Variants in ABCA2 observed in about 807,000 individuals in gnomAD.
ABCA2 encodes the protein ATP binding cassette subfamily A member 2, also known as ATP-binding cassette sub-family A member 2.
ABCA2 carries 84 observed loss-of-function variants against 262.8 expected under a neutral mutation model. That is an observed-to-expected ratio of 0.32 (90% confidence interval 0.27 to 0.38). The LOEUF is 0.38. Among genes scored for constraint, ABCA2 ranks in the 10% least tolerant of loss-of-function variants. The probability of loss-of-function intolerance (pLI) is 1.00; values close to 1 mark genes in which losing one functional copy is unlikely to be tolerated. For missense variants in ABCA2, 2,662 were observed against 3,405.9 expected (o/e 0.78, Z 5.44); for synonymous variants, 1,696 against 1,502.9 (o/e 1.13, Z -2.97).
chr9:137,022,130 T>C, intron 6 of ABCA2, 129 bp from the exon 7 acceptor site: 1 of 215,900 alleles, frequency 4.6e-6, no homozygotes, highest in South Asian at 4.3e-5. Flanking sequence ...AGTGGGGGCG[T>C]GGCTCAGATG....
chr9:137,015,248 C>A (rs1366450327), intron 24 of ABCA2, 151 bp from the exon 25 acceptor site: 1 of 1,214,804 alleles, frequency 8.2e-7, no homozygotes, highest in African/African-American at 1.5e-5. Context: ...CGCTGAGGAC[C>A]CAGCCTCTCC....
intron 10 of ABCA2, chr9:137,020,132 G>A (rs757811195): frequency 3.0e-6 from 2 of 660,380 alleles, no homozygotes; most frequent in Non-Finnish European, 5.1e-6. Flanking sequence ...ACTCTCCAGT[G>A]CCTTCCCACA....
rs771591363 is a variant in ABCA2, at chr9:137,020,423, G to A, written c.1338C>T (p.Asn446=). 8 of 1,612,570 alleles carry A rather than the reference G, an allele frequency of 5.0e-6. No individual in the cohort carries two copies. In the East Asian group the frequency reaches 1.6e-4, roughly 31 times the overall value. ...TCATGAGGTGCACGAGGAGGCCCAG[G>A]TTCCGCTGCTCCTTGCTCGTGAAGC... The part of the protein sequence containing the change: ...SLGFTSKEQR[N]LGLLVHLMTS... The change falls in exon 10 of 49, where the codon AAC becomes AAT. Residue 446 remains asparagine (N), a synonymous_variant. Coordinates refer to ENST00000341511, the MANE Select transcript of ABCA2 (RefSeq NM_001606.5).
Position 137,014,798 on chromosome 9 carries a change from T to TGC in ABCA2, c.3893_3894dup (p.Ser1299AlafsTer13). On this transcript the variant is annotated frameshift_variant, in exon 26 of 49. Coordinates refer to ENST00000341511, the MANE Select transcript of ABCA2 (RefSeq NM_001606.5). LOFTEE classifies it high-confidence loss of function. ...CTGCTGAGGTGCAGTGCATCCAGGCTGCGCTCCAGGTGCTGCAGGGGCGGT... is the reference window on the plus strand; with the variant it reads ...CTGCTGAGGTGCAGTGCATCCAGGCTGCGCGCTCCAGGTGCTGCAGGGGCGGT... The TGC allele has an allele frequency of 6.2e-7, 1 of 1,600,686 alleles. No individual in the cohort carries two copies. The highest frequency in any genetic ancestry group is 8.5e-7 in the Non-Finnish European group (1 of 1,174,836).
In ABCA2 at chr9:137,009,755, C is replaced by T. The variant is rs906157353; in HGVS notation, c.6630+14G>A. 5.6e-6 allele frequency: 9 copies of T among 1,608,330 alleles called. No homozygotes were observed. The highest frequency in any genetic ancestry group is 7.6e-6 in the Non-Finnish European group (9 of 1,176,656). On this transcript the variant is annotated intron_variant, in intron 43 of 48. Transcript: ENST00000341511. ...AAAGGCCAGGCAGCCACCCCCCACC[C>T]ACCCAGGACTTACCAGGAAGATGAA...
chr9:137,007,766 G>T lies in ABCA2; in HGVS notation c.*163C>A. 2 of 986,650 alleles carry T rather than the reference G, an allele frequency of 2.0e-6. No individual in the cohort carries two copies. Among genetic ancestry groups the T allele is most frequent in the Non-Finnish European group, 1.5e-6 (1 of 658,968 alleles). 61.1% of individuals were successfully genotyped at this position (986,650 alleles called of 1,614,324 possible). On this transcript the variant is annotated 3_prime_UTR_variant, in exon 49 of 49. Transcript: ENST00000341511. Reference sequence around the variant, plus strand: ...GGGGCGGCAACCGCAGTGACCACAGGGCATGGCCGAGTACAGGGGCTGGAG... The same window carrying T: ...GGGGCGGCAACCGCAGTGACCACAGTGCATGGCCGAGTACAGGGGCTGGAG...
upstream of ABCA2, chr9:137,028,859 GT>G: frequency 1.5e-6 from 2 of 1,325,858 alleles, no homozygotes; most frequent in East Asian, 5.8e-5. This position sits in a 1 kb window ranked among gnomAD's most constrained non-coding sequence, Gnocchi z 6.9. Flanking sequence ...CACGCGGCTC[GT>G]TTTTCTCCCC....
intron 2 of ABCA2, 70 bp from the exon 3 acceptor site, chr9:137,023,910 G>A: frequency 8.9e-7 from 1 of 1,120,052 alleles, no homozygotes; most frequent in Non-Finnish European, 1.3e-6. Context: ...GAGGAGACCA[G>A]TGAGTGCCCA....
rs375781694 is a variant in ABCA2 at position 137,015,383 on chromosome 9, C to T, written c.3697+31G>A. 5.4e-4 allele frequency: 834 copies of T among 1,531,706 alleles called. 7 individuals carry two copies. In the African/African-American group the frequency reaches 0.01, roughly 19 times the overall value. The allele number at this position is 1,531,706 out of a possible 1,614,324, so 94.9% of individuals were successfully genotyped here. Reference sequence around the variant, plus strand: ...TGGGGGTCCCGGGGAGAAGGTGGCCCGAAGCCAGCTCAGGCAGCTTCAACA... The same window carrying T: ...TGGGGGTCCCGGGGAGAAGGTGGCCTGAAGCCAGCTCAGGCAGCTTCAACA... On this transcript the variant is annotated intron_variant, in intron 24 of 48. Transcript: ENST00000341511.
Position 137,013,913 on chromosome 9 carries a change from T to C in ABCA2, c.4366A>G (p.Lys1456Glu). 2 of 1,612,630 alleles carry C rather than the reference T, an allele frequency of 1.2e-6. No homozygotes were observed. The highest frequency in any genetic ancestry group is 1.7e-6 in the Non-Finnish European group (2 of 1,179,906). Residue 1456 changes from lysine (K) to glutamate (E), a missense_variant, in exon 28 of 49, where the codon AAG (lysine) becomes GAG (glutamate). Coordinates refer to ENST00000341511, the MANE Select transcript of ABCA2 (RefSeq NM_001606.5). ...KRFHCARRNS[K>E]ALFSQILLPA... Reference sequence around the variant, plus strand: ...AGCAAGATCTGGGAGAAGAGTGCCTTGGAGTTGCGGCGGGCGCAGTGGAAG... The same window carrying C: ...AGCAAGATCTGGGAGAAGAGTGCCTCGGAGTTGCGGCGGGCGCAGTGGAAG...
Position 137,012,530 on chromosome 9 carries a change from C to A in ABCA2, c.5142G>T (p.Arg1714Ser), listed in dbSNP as rs775309360. ...LKSIPASFGTRAPPMVRKIAV... is the reference protein window; with the variant it reads ...LKSIPASFGTSAPPMVRKIAV... Reference sequence around the variant, plus strand: ...CGATCTTCCGCACCATGGGTGGGGCCCTGGTGCCAAATGAGGCTGGGATGG... The same window carrying A: ...CGATCTTCCGCACCATGGGTGGGGCACTGGTGCCAAATGAGGCTGGGATGG... The change falls in exon 32 of 49, where the codon AGG becomes AGT. Residue 1714 changes from arginine to serine, a missense_variant. Coordinates refer to ENST00000341511, the MANE Select transcript of ABCA2 (RefSeq NM_001606.5). The A allele has an allele frequency of 6.2e-7, 1 of 1,612,080 alleles. No homozygotes were observed. Among genetic ancestry groups the A allele is most frequent in the East Asian group, 2.2e-5 (1 of 44,860 alleles).
Position 137,011,557 on chromosome 9 carries a change from G to A in ABCA2, c.5652-3C>T. On this transcript the variant is annotated splice_region_variant and splice_polypyrimidine_tract_variant and intron_variant, in intron 36 of 48. Coordinates refer to ENST00000341511, the MANE Select transcript of ABCA2 (RefSeq NM_001606.5). This position sits in a 1 kb window ranked among gnomAD's most constrained non-coding sequence, Gnocchi z 8.8. ...ACATGATGGGCGTGATGGACCACCT[G>A]CGGGCAGGTGGCGGGCAGTGGTCAC... 6.3e-7 allele frequency: 1 copy of A among 1,575,424 alleles called. No homozygotes were observed. Among genetic ancestry groups the A allele is most frequent in the Non-Finnish European group, 8.6e-7 (1 of 1,160,788 alleles).
chr9:137,017,267 G>A lies in ABCA2; in HGVS notation c.2482C>T (p.Pro828Ser). The A allele has an allele frequency of 6.2e-7, 1 of 1,612,662 alleles. No individual in the cohort carries two copies. Among genetic ancestry groups the A allele is most frequent in the Non-Finnish European group, 8.5e-7 (1 of 1,179,912 alleles). ...GGIIYFLSYV[P>S]YMYVAIREEV... ...TCTCGGATCGCCACGTACATGTAGG[G>A]CACGTAGCTCAGGAAGTAGATGATG... Residue 828 changes from proline (P) to serine (S), a missense_variant, in exon 18 of 49, where the codon CCC (proline) becomes TCC (serine). Physicochemically the swap from Pro to Ser is moderately conservative, Grantham distance 74 (BLOSUM62 -1). Coordinates refer to ENST00000341511, the MANE Select transcript of ABCA2 (RefSeq NM_001606.5).
chr9:137,008,127 G>A (rs1830897917), intron 48 of ABCA2, 163 bp from the exon 49 acceptor site: 2 of 944,836 alleles, frequency 2.1e-6, no homozygotes, highest in South Asian at 3.0e-5. Flanking sequence ...GCCTCCGTCT[G>A]CCGAGTCTGG....
At chr9:137,008,687 A>T (rs1354298366) in intron 47 of ABCA2, 44 bp downstream of exon 47, 29 of 753,710 alleles carry the variant, frequency 3.8e-5, no homozygotes, top group Non-Finnish European at 5.0e-5. Flanking sequence ...AGGGCGGGTG[A>T]GGGGAGGGGC....
Position 137,018,476 on chromosome 9 carries a change from G to A in ABCA2, c.1820-125C>T, listed in dbSNP as rs571837839. The A allele has an allele frequency of 3.0e-4, 225 of 743,568 alleles. 3 individuals carry two copies. The African/African-American group carries it at 4.6e-3, about 15-fold the overall frequency. 46.1% of individuals were successfully genotyped at this position (743,568 alleles called of 1,614,324 possible). On this transcript the variant is annotated intron_variant, in intron 13 of 48. Transcript: ENST00000341511. ...CGGGGACAGGAGGGTCCAGGGAAAG[G>A]TGGGACAGGGCTGGGGTGGGGGCCC...
intron 1 of ABCA2, among the ~76,000 whole-genome samples, chr9:137,025,814 G>A (rs1236243558): frequency 6.6e-6 from 1 of 152,232 alleles, no homozygotes; most frequent in Non-Finnish European, 1.5e-5. Context: ...CAACGGCCTC[G>A]CACGAGCTAC....
intron 25 of ABCA2, 34 bp from the exon 26 acceptor site, chr9:137,014,844 G>A (rs1229168864): frequency 1.3e-6 from 2 of 1,585,842 alleles, no homozygotes; most frequent in East Asian, 4.6e-5. Flanking sequence ...GCTGCGGCAG[G>A]GACGCCCAGG....
chr9:137,014,991 G>A lies in ABCA2; in HGVS notation c.3804C>T (p.Val1268=), dbSNP rs955948363. 8 of 1,593,186 alleles carry A rather than the reference G, an allele frequency of 5.0e-6. No individual in the cohort carries two copies. In the African/African-American group the frequency reaches 1.1e-4, roughly 21 times the overall value. Residue 1268 remains valine (V), a synonymous_variant, in exon 25 of 49, where the codon GTC becomes GTT. Coordinates refer to ENST00000341511, the MANE Select transcript of ABCA2 (RefSeq NM_001606.5). ...AGGAGAGCTCCGTGCTTGTGTCTGAGACCAGCAGGCAGGAGGCCACATGCT... is the reference window on the plus strand; with the variant it reads ...AGGAGAGCTCCGTGCTTGTGTCTGAAACCAGCAGGCAGGAGGCCACATGCT... ...IRKHVASCLL[V]SDTSTELSYI... is the part of the protein sequence containing the mutation.
Sources: allele counts gnomAD v4.1 joint callset (sites outside exome capture counted in the v4.1 genomes callset), GRCh38; gene constraint gnomAD v4.1.1; non-coding constraint Gnocchi (gnomAD v3.1); transcripts MANE v1.5; gene names NCBI Gene and HGNC (gene_info 2026-07-23, HGNC 2026-07-21).